The following TMEM40 variants were observed in gnomAD, a reference collection of about 807,000 sequenced individuals.
TMEM40 encodes the protein transmembrane protein 40.
A neutral mutation model predicts 40.8 loss-of-function variants in TMEM40; 34 were observed. The ratio of observed to expected loss-of-function variants is 0.83; its 90% confidence interval spans 0.63 to 1.11. The LOEUF (loss-of-function observed/expected upper bound fraction) is 1.11, where lower values mean the gene tolerates loss of function less well. TMEM40 is among the 50% of genes least tolerant of loss of function. The pLI is 0.00. For synonymous variants in TMEM40, 106 were observed against 107.0 expected (o/e 0.99, Z 0.06); for missense variants, 296 against 280.2 (o/e 1.06, Z -0.40).
upstream of TMEM40, among the ~76,000 whole-genome samples, chr3:12,760,345 C>A (rs573618967): frequency 6.6e-6 from 1 of 152,164 alleles, no homozygotes; most frequent in African/African-American, 2.4e-5. Flanking sequence ...CTTACAAGCC[C>A]CTGCGAGATC....
chr3:12,765,737 TTTTTTGTG>T (rs1394567106), intron 1 of TMEM40, among the ~76,000 whole-genome samples: 4 of 151,892 alleles, frequency 2.6e-5, no homozygotes, highest in Admixed American at 6.6e-5. Flanking sequence ...GCCCAGCTAA[TTTTTTGTG>T]TTTTTAGTAG....
chr3:12,751,365 T>C (rs1373005300), intron 1 of TMEM40, among the ~76,000 whole-genome samples: 2 of 151,144 alleles, frequency 1.3e-5, no homozygotes. Flanking sequence ...CACTGCAACC[T>C]CTGCCTCCCG....
chr3:12,763,017 G>A (rs774752746), upstream of TMEM40, among the ~76,000 whole-genome samples: 6 of 151,800 alleles, frequency 4.0e-5, no homozygotes, highest in Non-Finnish European at 8.8e-5. Context: ...AAAATTAGCC[G>A]GGCGTGGTGG....
intron 3 of TMEM40, among the ~76,000 whole-genome samples, chr3:12,747,739 A>C (rs1304894949): frequency 6.6e-6 from 1 of 151,732 alleles, no homozygotes; most frequent in Admixed American, 6.6e-5. Context: ...AAGAAACCCT[A>C]TCTCTACTAA....
intron 3 of TMEM40, 82 bp from the exon 4 acceptor site, chr3:12,744,071 G>A (rs1232341274): frequency 2.4e-5 from 34 of 1,414,640 alleles, no homozygotes; most frequent in Non-Finnish European, 3.3e-5. Context: ...GCCATTCTCA[G>A]AATTTAGTTT....
chr3:12,766,538 T>G (rs1408610189), intron 1 of TMEM40, among the ~76,000 whole-genome samples: 1 of 147,874 alleles, frequency 6.8e-6, no homozygotes, highest in East Asian at 2.0e-4. Context: ...GAGCTTGCAG[T>G]GAGCCGAGAT....
intron 5 of TMEM40, among the ~76,000 whole-genome samples, chr3:12,741,923 T>C (rs2061385590): frequency 6.6e-6 from 1 of 151,934 alleles, no homozygotes; most frequent in African/African-American, 2.4e-5. Flanking sequence ...GGCAAAACTC[T>C]GTCTCTACTA....
intron 1 of TMEM40, among the ~76,000 whole-genome samples, chr3:12,755,198 C>CTTTCTTTCTCTCTCTCT: frequency 8.4e-6 from 1 of 119,008 alleles, no homozygotes; most frequent in African/African-American, 4.0e-5. Flanking sequence ...TTCCTTCCTT[C>CTTTCTTTCTCTCTCTCT]CTTTCTTTCT....
intron 2 of TMEM40, 125 bp from the exon 3 acceptor site, chr3:12,748,917 A>C: frequency 1.2e-6 from 1 of 825,380 alleles, no homozygotes; most frequent in Non-Finnish European, 1.9e-6. Flanking sequence ...ATCTTCCCAA[A>C]TATCTAGAGC....
At chr3:12,758,636 G>C (rs974749668) in intron 1 of TMEM40, among the ~76,000 whole-genome samples, 1 of 152,182 alleles carries the variant, frequency 6.6e-6, no homozygotes. Context: ...CTTTGAGCTG[G>C]AGGCAGAGGA....
At chr3:12,750,944 G>A (rs1384950884) in intron 1 of TMEM40, among the ~76,000 whole-genome samples, 1 of 152,068 alleles carries the variant, frequency 6.6e-6, no homozygotes, top group Non-Finnish European at 1.5e-5. Flanking sequence ...TTTGAGAATG[G>A]TCTAGAGAAT....
chr3:12,768,698 C>T lies in TMEM40; in HGVS notation c.-9+553G>A, dbSNP rs375358434. Reference sequence around the variant, plus strand: ...AGCTAGACATAAAGGTTCTCCAAGTCCACACTAGACTCACGAGCCCAGCTG... The same window carrying T: ...AGCTAGACATAAAGGTTCTCCAAGTTCACACTAGACTCACGAGCCCAGCTG... On this transcript the variant is annotated intron_variant, in intron 1 of 11. Transcript: ENST00000264728. 1.4e-4 allele frequency among the ~76,000 whole-genome samples: 21 copies of T among 152,238 alleles called. 2 individuals are homozygous for T. The highest frequency in any genetic ancestry group is 2.6e-4 in the Admixed American group (4 of 15,292).
chr3:12,738,007 C>T, intron 7 of TMEM40, 129 bp downstream of exon 7: 1 of 1,222,408 alleles, frequency 8.2e-7, no homozygotes, highest in Non-Finnish European at 1.2e-6. Context: ...CCTTCTGAAT[C>T]ATAGTGACAC....
intron 6 of TMEM40, 144 bp downstream of exon 6, chr3:12,738,409 T>C: frequency 9.5e-7 from 1 of 1,049,900 alleles, no homozygotes; most frequent in Non-Finnish European, 1.4e-6. Context: ...GCCTGCTTGA[T>C]GAGCCTAGGC....
chr3:12,734,945 C>G, intron 11 of TMEM40, 152 bp from the exon 12 acceptor site: 1 of 820,352 alleles, frequency 1.2e-6, no homozygotes, highest in South Asian at 1.7e-5. Context: ...GTCATAATAG[C>G]TAGTTTTCTT....
At chr3:12,746,678 G>GA (rs2061431581) in intron 3 of TMEM40, among the ~76,000 whole-genome samples, 1 of 152,152 alleles carries the variant, frequency 6.6e-6, no homozygotes, top group Non-Finnish European at 1.5e-5. Context: ...TAGGATCAGG[G>GA]ACCAGGATCC....
At chr3:12,754,984 T>A (rs930494267) in intron 1 of TMEM40, among the ~76,000 whole-genome samples, 2 of 151,904 alleles carry the variant, frequency 1.3e-5, no homozygotes, top group African/African-American at 4.8e-5. Flanking sequence ...TTCTTTCCTT[T>A]TCTTTTTCTC....
intron 1 of TMEM40, among the ~76,000 whole-genome samples, chr3:12,758,839 A>T (rs1173638996): frequency 6.6e-6 from 1 of 152,180 alleles, no homozygotes. Flanking sequence ...GTGCCTTCAG[A>T]GATCTAGCTG....
Position 12,738,541 on chromosome 3 carries a change from C to T in TMEM40, c.391+12G>A. The T allele has an allele frequency of 6.2e-7, 1 of 1,614,048 alleles. No individual in the cohort carries two copies. Among genetic ancestry groups the T allele is most frequent in the Middle Eastern group, 1.6e-4 (1 of 6,062 alleles). Reference sequence around the variant, plus strand: ...AGCACCAACGACCTCTCTCCTCTAACTGGACACTCACCTGATTCCCCAGAG... The same window carrying T: ...AGCACCAACGACCTCTCTCCTCTAATTGGACACTCACCTGATTCCCCAGAG... On this transcript the variant is annotated intron_variant, in intron 6 of 11. Coordinates refer to ENST00000314124, the MANE Select transcript of TMEM40 (RefSeq NM_018306.4).
Sources: allele counts gnomAD v4.1 joint callset (sites outside exome capture counted in the v4.1 genomes callset), GRCh38; gene constraint gnomAD v4.1.1; transcripts MANE v1.5; gene names NCBI Gene and HGNC (gene_info 2026-07-23, HGNC 2026-07-21).